Variants in EML6 observed in about 807,000 individuals in gnomAD.
EML6 encodes EMAP like 6, also known as echinoderm microtubule-associated protein-like 6.
Under a neutral mutation model 240.1 loss-of-function variants are expected in EML6, and 154 were observed. The ratio of observed to expected loss-of-function variants is 0.64; its 90% CI spans 0.56 to 0.73. EML6 has a LOEUF of 0.73. Among genes scored for constraint, EML6 ranks in the 30% least tolerant of loss-of-function variants. The probability of loss-of-function intolerance (pLI) is 0.00; values close to 1 mark genes in which losing one functional copy is unlikely to be tolerated. For synonymous variants in EML6, 1,148 were observed against 899.0 expected, an observed-to-expected ratio of 1.28 and a Z score of -4.95; for missense variants, 2,964 against 2,474.6, an observed-to-expected ratio of 1.20 and a Z score of -4.20.
intron 4 of EML6, among the ~76,000 whole-genome samples, chr2:54,817,416 A>C (rs1376264392): frequency 1.3e-5 from 2 of 152,210 alleles, no homozygotes; most frequent in Non-Finnish European, 2.9e-5. Flanking sequence ...TCAGAAATCT[A>C]ATTTGCCAGT....
chr2:54,966,843 G>C, intron 38 of EML6, 157 bp from the exon 39 acceptor site: 1 of 518,926 alleles, frequency 1.9e-6, no homozygotes. Flanking sequence ...TGTTGTCATG[G>C]GCTGGCCATA....
At position 54,816,850 on chromosome 2, in the gene EML6, A is replaced by G. The variant is rs1388448497; in HGVS notation, c.421A>G (p.Lys141Glu). The G allele has an allele frequency of 1.3e-6, 2 of 1,551,554 alleles. No homozygotes were observed. The highest frequency in any genetic ancestry group is 1.7e-6 in the Non-Finnish European group (2 of 1,146,868). ...CTGCATTTGGGACTGGAGGAAGGGA[A>G]AACTTCTGGCGTCAGCCACCGGCCA... ...TVCIWDWRKG[K>E]LLASATGHSD... The change falls in exon 4 of 42, where the codon AAA becomes GAA. Residue 141 changes from lysine (K) to glutamate (E), a missense_variant. Lys to Glu is a moderately conservative substitution (Grantham distance 56). Transcript: ENST00000356458.
At chr2:54,915,844 T>C (rs1227515861) in intron 25 of EML6, among the ~76,000 whole-genome samples, 1 of 152,176 alleles carries the variant, frequency 6.6e-6, no homozygotes, top group Non-Finnish European at 1.5e-5. Flanking sequence ...TTTACTCCAG[T>C]GCTTTCTCTA....
chr2:54,807,107 A>AT lies in EML6; in HGVS notation c.198-6115dup, dbSNP rs200235255. On this transcript the variant is annotated intron_variant, in intron 2 of 41. Transcript: ENST00000356458. ...CAATTCTGATAGAATGCTTTTATTG[A>AT]TTTTTTTTTTCCTCTTTTTCTAAAC... Among the ~76,000 whole-genome samples, 1,210 of 150,592 alleles carry AT rather than the reference A, an allele frequency of 8.0e-3. 22 individuals carry two copies. The highest frequency in any genetic ancestry group is 0.074 in the East Asian group (382 of 5,134).
At chr2:54,733,159 G>T (rs1683246057) in intron 2 of EML6, among the ~76,000 whole-genome samples, 1 of 152,216 alleles carries the variant, frequency 6.6e-6, no homozygotes, top group African/African-American at 2.4e-5. Flanking sequence ...CAGCAGGCCA[G>T]CCTACCTCCC....
At chr2:54,927,544 G>A (rs1674620547) in intron 26 of EML6, among the ~76,000 whole-genome samples, 2 of 152,192 alleles carry the variant, frequency 1.3e-5, no homozygotes, top group African/African-American at 4.8e-5. Context: ...GTTTTTGCCA[G>A]GCTGTGGCTC....
intron 28 of EML6, among the ~76,000 whole-genome samples, chr2:54,931,680 A>C (rs767077305): frequency 1.7e-4 from 26 of 152,180 alleles, no homozygotes; most frequent in Non-Finnish European, 3.7e-4. Flanking sequence ...TTTTCTAAAC[A>C]CTTGGTTCAA....
chr2:54,955,338 G>C (rs539721023), intron 32 of EML6, among the ~76,000 whole-genome samples: 21 of 152,128 alleles, frequency 1.4e-4, no homozygotes, highest in Non-Finnish European at 2.8e-4. Flanking sequence ...CCTGCAGTTA[G>C]GACCCATCCT....
At position 54,846,923 on chromosome 2, in the gene EML6, A is replaced by T. The variant is rs867797327; in HGVS notation, c.1050-563A>T. ...AAAGTAATATTTTGTATGAAGTAGT[A>T]TTTTTTTTTTTTTGGAGACAGGGCC... On this transcript the variant is annotated intron_variant, in intron 8 of 41. Coordinates refer to ENST00000356458, the MANE Select transcript of EML6 (RefSeq NM_001039753.4). Among the ~76,000 whole-genome samples, 47 of 129,912 alleles carry T rather than the reference A, an allele frequency of 3.6e-4. 1 individual carries two copies. Among genetic ancestry groups the T allele is most frequent in the East Asian group, 1.9e-3 (7 of 3,768 alleles). 85.2% of individuals were successfully genotyped at this position (129,912 alleles called of 152,430 possible).
chr2:54,779,744 C>T (rs1428776352), intron 2 of EML6, among the ~76,000 whole-genome samples: 2 of 150,154 alleles, frequency 1.3e-5, no homozygotes, highest in Admixed American at 6.7e-5. Context: ...TGCCTATAGT[C>T]ACAGCTACTT....
chr2:54,814,208 C>G (rs987767122), intron 3 of EML6, among the ~76,000 whole-genome samples: 2 of 152,204 alleles, frequency 1.3e-5, no homozygotes, highest in Non-Finnish European at 2.9e-5. Flanking sequence ...ATCTGCAAGA[C>G]TCCTATAGCA....
intron 4 of EML6, among the ~76,000 whole-genome samples, chr2:54,818,307 A>G (rs1026264477): frequency 6.6e-6 from 1 of 152,074 alleles, no homozygotes; most frequent in African/African-American, 2.4e-5. Flanking sequence ...GCTGCCCTCC[A>G]TATGGTAAGT....
intron 31 of EML6, among the ~76,000 whole-genome samples, chr2:54,953,485 G>A (rs980957123): frequency 5.3e-5 from 8 of 152,138 alleles, no homozygotes; most frequent in South Asian, 2.1e-4. Context: ...ATAAATGTCC[G>A]TAGGGCTCTG....
chr2:54,870,561 T>A (rs992965971), intron 15 of EML6, among the ~76,000 whole-genome samples: 2 of 152,266 alleles, frequency 1.3e-5, no homozygotes, highest in Admixed American at 6.5e-5. Flanking sequence ...GCTGATGTTA[T>A]AAGGTTTTAC....
At chr2:54,783,527 T>C (rs1668945138) in intron 2 of EML6, among the ~76,000 whole-genome samples, 1 of 152,206 alleles carries the variant, frequency 6.6e-6, no homozygotes, top group African/African-American at 2.4e-5. Context: ...TAGAGACATA[T>C]ACCTTTTCTC....
At chr2:54,968,010 T>G in intron 39 of EML6, 118 bp from the exon 40 acceptor site, 1 of 1,013,176 alleles carries the variant, frequency 9.9e-7, no homozygotes, top group Non-Finnish European at 1.5e-6. Context: ...GGCCTGGCTG[T>G]TGGGGACCCC....
intron 17 of EML6, among the ~76,000 whole-genome samples, chr2:54,885,472 T>C (rs1672076762): frequency 6.6e-6 from 1 of 151,940 alleles, no homozygotes; most frequent in Non-Finnish European, 1.5e-5. Context: ...TTTTTTTGGA[T>C]GCTTAATGTT....
intron 2 of EML6, among the ~76,000 whole-genome samples, chr2:54,750,193 A>G (rs1014177098): frequency 1.3e-5 from 2 of 152,126 alleles, no homozygotes; most frequent in Non-Finnish European, 2.9e-5. Flanking sequence ...TGGCTTTTGG[A>G]TATGGCCCAG....
intron 28 of EML6, among the ~76,000 whole-genome samples, chr2:54,945,119 C>T (rs1276109521): frequency 9.3e-6 from 1 of 106,984 alleles, no homozygotes; most frequent in Non-Finnish European, 2.0e-5. Flanking sequence ...TCCCTCTCTC[C>T]TCCCATCCCA....
Sources: allele counts gnomAD v4.1 joint callset (sites outside exome capture counted in the v4.1 genomes callset), GRCh38; gene constraint gnomAD v4.1.1; transcripts MANE v1.5; gene names NCBI Gene and HGNC (gene_info 2026-07-23, HGNC 2026-07-21).